Variants in PTPRF observed in about 807,000 individuals in gnomAD.
PTPRF encodes the protein receptor-type tyrosine-protein phosphatase F.
In PTPRF, 59 loss-of-function variants were observed where a neutral mutation model predicts 201.8. The observed-to-expected ratio is 0.29, with a 90% CI of 0.24 to 0.36. PTPRF has a LOEUF of 0.36. Ranked by LOEUF, PTPRF falls within the 10% of genes least tolerant of loss-of-function variation. The pLI, the probability that PTPRF is intolerant of heterozygous loss-of-function variation, is 1.00. For synonymous variants in PTPRF, 1,088 were observed against 1,089.7 expected (o/e 1.00, Z 0.03); for missense variants, 2,132 against 2,690.5 (o/e 0.79, Z 4.59).
chr1:43,588,235 G>T lies in PTPRF; in HGVS notation c.680-496G>T, dbSNP rs958003417. 1.3e-5 allele frequency among the ~76,000 whole-genome samples: 2 copies of T among 152,136 alleles called. No homozygotes were observed. The highest frequency in any genetic ancestry group is 2.1e-4 in the South Asian group (1 of 4,818). On this transcript the variant is annotated intron_variant, in intron 7 of 33. Transcript: ENST00000359947. This position sits in a 1 kb window ranked among gnomAD's most constrained non-coding sequence, Gnocchi z 5.3. ...CTGGAGGTGGAGGCAGTGACTCCAC[G>T]GCAGGTGGCTGTGTCCCTCTGGACT...
chr1:43,544,121 T>A (rs1398806837), intron 2 of PTPRF, among the ~76,000 whole-genome samples: 4 of 152,220 alleles, frequency 2.6e-5, no homozygotes, highest in Non-Finnish European at 4.4e-5. Context: ...ATTCAGCCAG[T>A]CCCAGACGCT....
rs759814948 is a variant in PTPRF, at chr1:43,620,530, A to T, written c.5315A>T (p.Tyr1772Phe). ...TTTGTTGTTGACCCGATGGCTGAGT[A>T]CAACATGCCCCAGTATATCCTGCGT... is the stretch of plus-strand genomic sequence containing the variant. ...QYFVVDPMAE[Y>F]NMPQYILREF... The change falls in exon 31 of 34, where the codon TAC (tyrosine) becomes TTC (phenylalanine). Residue 1772 changes from tyrosine to phenylalanine, a missense_variant. Coordinates refer to ENST00000359947, the MANE Select transcript of PTPRF (RefSeq NM_002840.5). 2 of 1,614,100 alleles carry T rather than the reference A, an allele frequency of 1.2e-6. No individual in the cohort carries two copies. Among genetic ancestry groups the T allele is most frequent in the Non-Finnish European group, 1.7e-6 (2 of 1,179,946 alleles).
upstream of PTPRF, among the ~76,000 whole-genome samples, chr1:43,526,067 G>A (rs1643094660): frequency 6.6e-6 from 1 of 152,074 alleles, no homozygotes; most frequent in African/African-American, 2.4e-5. Flanking sequence ...AGAGGGTGCA[G>A]TGGACGGGGA....
At chr1:43,552,357 A>ATG (rs1403654189) in intron 3 of PTPRF, among the ~76,000 whole-genome samples, 1 of 152,188 alleles carries the variant, frequency 6.6e-6, no homozygotes, top group Non-Finnish European at 1.5e-5. Context: ...CAGGTCCCAG[A>ATG]TGTGCCCCTC....
intron 5 of PTPRF, among the ~76,000 whole-genome samples, chr1:43,559,174 G>GGT (rs1321971173): frequency 6.6e-6 from 1 of 152,218 alleles, no homozygotes; most frequent in Non-Finnish European, 1.5e-5. Flanking sequence ...TGAAGTGTGT[G>GGT]GTGCAGTGTG....
chr1:43,543,754 G>T (rs1029733336), intron 2 of PTPRF, among the ~76,000 whole-genome samples: 1 of 151,900 alleles, frequency 6.6e-6, no homozygotes, highest in Non-Finnish European at 1.5e-5. Flanking sequence ...GGTCAGCGGG[G>T]ACCTGGGTCT....
At chr1:43,583,152 C>G (rs1330778450) in intron 7 of PTPRF, 1 of 955,646 alleles carries the variant, frequency 1.0e-6, no homozygotes, top group Non-Finnish European at 1.2e-6. Context: ...ACACGCCTGT[C>G]AGTAGGGCCC....
chr1:43,592,748 G>C, intron 11 of PTPRF, 147 bp downstream of exon 11: 10 of 1,036,828 alleles, frequency 9.6e-6, no homozygotes, highest in South Asian at 2.0e-5. Flanking sequence ...CTGAGTCTGG[G>C]CCTCGGGAGA....
At chr1:43,592,402 C>T in intron 10 of PTPRF, 55 bp from the exon 11 acceptor site, 1 of 1,558,522 alleles carries the variant, frequency 6.4e-7, no homozygotes, top group Admixed American at 1.8e-5. Flanking sequence ...TGGGGAACAA[C>T]CTGTGAGTGA....
chr1:43,620,014 G>T (rs1658803685), intron 29 of PTPRF, 81 bp from the exon 30 acceptor site: 8 of 1,592,906 alleles, frequency 5.0e-6, no homozygotes, highest in Non-Finnish European at 6.9e-6. Context: ...TCTGAGCAGG[G>T]CCCCAAGGGG....
rs925467363 is a variant in PTPRF, at chr1:43,531,032, G to C, written c.-184G>C. On this transcript the variant is annotated 5_prime_UTR_variant, in exon 1 of 34. Coordinates refer to ENST00000359947, the MANE Select transcript of PTPRF (RefSeq NM_002840.5). ...GGAGGCGGCGGCGGCAGAGGAGTGG[G>C]AGCAGCGGCCCTAGCGGCTTGCGGG... is the stretch of plus-strand genomic sequence containing the variant. 6.5e-6 allele frequency: 1 copy of C among 154,592 alleles called. No homozygotes were observed. Among genetic ancestry groups the C allele is most frequent in the Non-Finnish European group, 1.4e-5 (1 of 69,684 alleles). The allele number at this position is 154,592 out of a possible 1,614,324, so 9.6% of individuals were successfully genotyped here. A position where few individuals can be genotyped will look rare whatever the true frequency, so the allele number is the denominator to read the frequency against.
At chr1:43,575,762 G>A (rs1057333972) in intron 6 of PTPRF, 4 of 589,642 alleles carry the variant, frequency 6.8e-6, no homozygotes, top group East Asian at 6.8e-5. Context: ...CACACTGTCC[G>A]TGTCGGCCTA....
chr1:43,591,827 C>A lies in PTPRF; in HGVS notation c.1547C>A (p.Ala516Glu). 1 of 1,613,286 alleles carries A rather than the reference C, an allele frequency of 6.2e-7. No individual in the cohort carries two copies. Among genetic ancestry groups the A allele is most frequent in the South Asian group, 1.1e-5 (1 of 91,052 alleles). The change falls in exon 10 of 34, where the codon GCG becomes GAG. Residue 516 changes from alanine to glutamate, a missense_variant. Physicochemically the swap from Ala to Glu is moderately radical, Grantham distance 107 (BLOSUM62 -1). Coordinates refer to ENST00000359947, the MANE Select transcript of PTPRF (RefSeq NM_002840.5). The part of the protein sequence containing the change: ...KTQQGVPAQP[A>E]DFQAEVESDT... ...GGTGTTGCAGTGCCTGCCCAGCCCG[C>A]GGACTTCCAGGCCGAGGTGGAGTCG...
Position 43,604,039 on chromosome 1 carries a change from G to A in PTPRF, c.2887G>A (p.Glu963Lys), listed in dbSNP as rs751990346. Residue 963 changes from glutamate (E) to lysine (K), a missense_variant, in exon 16 of 34, where the codon GAG becomes AAG. By Grantham distance (56) the Glu-to-Lys change is moderately conservative. Coordinates refer to ENST00000359947, the MANE Select transcript of PTPRF (RefSeq NM_002840.5). ...VVFRDINSQQ[E>K]LQNITTDTRF... ...GTTCCGAGACATCAACAGCCAACAG[G>A]AGCTGCAGAACATCACGACAGACAC... 67 of 1,614,130 alleles carry A rather than the reference G, an allele frequency of 4.2e-5. No homozygotes were observed. Among genetic ancestry groups the A allele is most frequent in the Non-Finnish European group, 5.5e-5 (65 of 1,180,062 alleles).
chr1:43,545,227 G>A, intron 3 of PTPRF, 61 bp downstream of exon 3: 1 of 1,492,180 alleles, frequency 6.7e-7, no homozygotes, highest in Admixed American at 2.0e-5. Context: ...CTTCCCAGCA[G>A]GACTCTGGGA....
chr1:43,612,693 G>A, intron 22 of PTPRF: 1 of 1,263,490 alleles, frequency 7.9e-7, no homozygotes, highest in Non-Finnish European at 1.1e-6. Context: ...GGTGCTGTAA[G>A]CAGAAAAAGT....
Position 43,553,592 on chromosome 1 carries a change from C to T in PTPRF, c.192C>T (p.Ile64=). The part of the protein sequence containing the change: ...CQATGEPKPR[I]TWMKKGKKVS... ...CTACAGGAGAACCCAAGCCGCGCAT[C>T]ACATGGATGAAGAAGGGGAAGAAAG... Residue 64 remains isoleucine, a synonymous_variant, in exon 4 of 34, where the codon ATC becomes ATT. Coordinates refer to ENST00000359947, the MANE Select transcript of PTPRF (RefSeq NM_002840.5). This position sits in a 1 kb window ranked among gnomAD's most constrained non-coding sequence, Gnocchi z 4.1. 1 of 1,614,194 alleles carries T rather than the reference C, an allele frequency of 6.2e-7. No homozygotes were observed. Among genetic ancestry groups the T allele is most frequent in the South Asian group, 1.1e-5 (1 of 91,076 alleles).
rs749034402 is a variant in PTPRF at position 43,592,646 on chromosome 1, C to A, written c.1813+45C>A. 11 of 1,300,442 alleles carry A rather than the reference C, an allele frequency of 8.5e-6. No individual in the cohort carries two copies. In the East Asian group the frequency reaches 2.8e-4, roughly 33 times the overall value. 80.6% of individuals were successfully genotyped at this position (1,300,442 alleles called of 1,614,324 possible). Reference sequence around the variant, plus strand: ...GCTGCCTGTTACACCTGGGCTGGGACACACACACACACATGCACACACATC... The same window carrying A: ...GCTGCCTGTTACACCTGGGCTGGGAAACACACACACACATGCACACACATC... On this transcript the variant is annotated intron_variant, in intron 11 of 33. Transcript: ENST00000359947.
intron 24 of PTPRF, 53 bp from the exon 25 acceptor site, chr1:43,617,683 G>A (rs917074245): frequency 3.8e-6 from 6 of 1,599,854 alleles, no homozygotes; most frequent in East Asian, 4.5e-5. Flanking sequence ...GGCATGGTGG[G>A]CTGGGCTGGG....
Sources: allele counts gnomAD v4.1 joint callset (sites outside exome capture counted in the v4.1 genomes callset), GRCh38; gene constraint gnomAD v4.1.1; non-coding constraint Gnocchi (gnomAD v3.1); transcripts MANE v1.5; gene names NCBI Gene and HGNC (gene_info 2026-07-23, HGNC 2026-07-21).